Variants in DOCK8 observed in about 807,000 individuals in gnomAD.
DOCK8 encodes dedicator of cytokinesis 8.
Under a neutral mutation model 245.6 loss-of-function variants are expected in DOCK8, and 141 were observed. The ratio of observed to expected loss-of-function variants is 0.57; its 90% CI spans 0.50 to 0.66. The LOEUF (loss-of-function observed/expected upper bound fraction) is 0.66, where lower values mean the gene tolerates loss of function less well. DOCK8 is among the 30% of genes least tolerant of loss of function. The pLI is 0.00. For synonymous variants in DOCK8, 1,168 were observed against 970.2 expected (o/e 1.20, Z -3.79); for missense variants, 2,965 against 2,603.4 (o/e 1.14, Z -3.02).
At position 371,406 on chromosome 9, in the gene DOCK8, G is replaced by A. The variant is rs1249230891; in HGVS notation, c.1869-22G>A. 2.5e-6 allele frequency: 4 copies of A among 1,614,064 alleles called. No homozygotes were observed. The Admixed American group carries it at 5.0e-5, about 20-fold the overall frequency. On this transcript the variant is annotated intron_variant, in intron 16 of 47. Coordinates refer to ENST00000432829, the MANE Select transcript of DOCK8 (RefSeq NM_203447.4). ...ATCATTCTTGCTAAAAGTTATTTGT[G>A]TATAATGTGCTTTTGAAACAGGTCT...
intron 1 of DOCK8, among the ~76,000 whole-genome samples, chr9:254,320 A>G (rs1054950151): frequency 6.6e-6 from 1 of 152,236 alleles, no homozygotes; most frequent in African/African-American, 2.4e-5. Context: ...ATGAGGCCAG[A>G]AAATGAATAA....
chr9:335,462 G>A (rs13289520), intron 11 of DOCK8, among the ~76,000 whole-genome samples: 1,618 of 152,228 alleles, frequency 0.011, 15 homozygotes, highest in Non-Finnish European at 0.019. Context: ...GGAGGAAAGG[G>A]CATTTTGTGA....
intron 14 of DOCK8, among the ~76,000 whole-genome samples, chr9:341,225 C>T (rs2051572616): frequency 6.6e-6 from 1 of 152,166 alleles, no homozygotes; most frequent in Admixed American, 6.5e-5. Context: ...TATGTGTCTA[C>T]TATATTGGAG....
intron 8 of DOCK8, among the ~76,000 whole-genome samples, 178 bp from the exon 9 acceptor site, chr9:327,844 C>T (rs1357344317): frequency 1.3e-5 from 2 of 152,208 alleles, no homozygotes; most frequent in Non-Finnish European, 2.9e-5. Flanking sequence ...AATACCTAGA[C>T]ATTGTGACAA....
chr9:452,381 C>G (rs372985194), intron 46 of DOCK8: 2 of 238,696 alleles, frequency 8.4e-6, no homozygotes, highest in Admixed American at 5.3e-5. Context: ...GTAACTAACA[C>G]GTCAACTATG....
chr9:216,341 C>T (rs536419901), intron 1 of DOCK8, among the ~76,000 whole-genome samples: 3 of 151,930 alleles, frequency 2.0e-5, no homozygotes, highest in South Asian at 2.1e-4. Flanking sequence ...CCAGCCTGGG[C>T]AACATAGTGG....
At chr9:400,414 A>T (rs1377462290) in intron 26 of DOCK8, among the ~76,000 whole-genome samples, 1 of 64,728 alleles carries the variant, frequency 1.5e-5, no homozygotes. Flanking sequence ...CATCACCACC[A>T]CCACCTCCAC....
chr9:458,421 G>A (rs2057707667), intron 46 of DOCK8: 1 of 152,264 alleles, frequency 6.6e-6, no homozygotes, highest in Non-Finnish European at 1.5e-5. Flanking sequence ...ACTGCCTGGA[G>A]TTCTGCCAGT....
At chr9:453,882 C>T (rs1055875089) in intron 46 of DOCK8, among the ~76,000 whole-genome samples, 7 of 152,176 alleles carry the variant, frequency 4.6e-5, no homozygotes, top group Non-Finnish European at 1.0e-4. Flanking sequence ...TGACTATGCC[C>T]CAGGACCTCT....
intron 21 of DOCK8, chr9:381,392 A>G (rs1019391377): frequency 4.6e-5 from 7 of 152,208 alleles, no homozygotes; most frequent in Non-Finnish European, 8.8e-5. Context: ...TATATATCCA[A>G]TGGCAGTGGT....
intron 40 of DOCK8, among the ~76,000 whole-genome samples, chr9:439,750 G>C (rs574527145): frequency 6.6e-6 from 1 of 152,062 alleles, no homozygotes; most frequent in South Asian, 2.1e-4. Flanking sequence ...TCACTCCCTC[G>C]TTTTTCCTCT....
At chr9:452,810 A>T (rs2057508940) in intron 46 of DOCK8, 1 of 152,236 alleles carries the variant, frequency 6.6e-6, no homozygotes, top group Non-Finnish European at 1.5e-5. Flanking sequence ...TTAATTCTGC[A>T]GTGGAGCTGG....
rs1210792510 is a variant in DOCK8 at position 307,329 on chromosome 9, G to GTTTTTT, written c.528+2628_528+2633dup. Among the ~76,000 whole-genome samples, 16 of 75,136 alleles carry GTTTTTT rather than the reference G, an allele frequency of 2.1e-4. 4 individuals carry two copies. The highest frequency in any genetic ancestry group is 5.4e-4 in the South Asian group (1 of 1,842). The allele number at this position is 75,136 out of a possible 152,430, so 49.3% of individuals were successfully genotyped here. On this transcript the variant is annotated intron_variant, in intron 5 of 47. Transcript: ENST00000432829. ...AACTCAAGTCACTGTGTTGTGTGTG[G>GTTTTTT]TTTTTTTTGTTTTTTTTTTTTTTTT...
rs913493426 is a variant in DOCK8 at position 249,786 on chromosome 9, T to TC, written c.54-21841_54-21840insC. ...GTGCCCACCACCATGCCTGGCTAAT[T>TC]TTTTTTTTTTTTTGTATTTTTAGTG... On this transcript the variant is annotated intron_variant, in intron 1 of 47. Coordinates refer to ENST00000432829, the MANE Select transcript of DOCK8 (RefSeq NM_203447.4). 1.4e-4 allele frequency among the ~76,000 whole-genome samples: 18 copies of TC among 126,816 alleles called. No homozygotes were observed. In the South Asian group the frequency reaches 2.2e-3, roughly 16 times the overall value. 83.2% of individuals were successfully genotyped at this position (126,816 alleles called of 152,430 possible). A position where few individuals can be genotyped will look rare whatever the true frequency, so the allele number is the denominator to read the frequency against.
At position 406,828 on chromosome 9, in the gene DOCK8, G is replaced by T. The variant is rs986911597; in HGVS notation, c.3391-102G>T. 37 of 1,488,516 alleles carry T rather than the reference G, an allele frequency of 2.5e-5. No individual in the cohort carries two copies. The South Asian group carries it at 3.3e-4, about 13-fold the overall frequency. The allele number at this position is 1,488,516 out of a possible 1,614,324, so 92.2% of individuals were successfully genotyped here. ...CAGAGTACCTACCTCACTGGGGAGG[G>T]CTCACGAAGCCTGGCTGGGGCGAGG... On this transcript the variant is annotated intron_variant, in intron 27 of 47. Transcript: ENST00000432829.
chr9:252,797 CAAA>C (rs113508710), intron 1 of DOCK8, among the ~76,000 whole-genome samples: 1 of 142,744 alleles, frequency 7.0e-6, no homozygotes, highest in Non-Finnish European at 1.5e-5. Flanking sequence ...GACTCCATCT[CAAA>C]AAAAAAAAAA....
chr9:247,789 G>A (rs1252061922), intron 1 of DOCK8, among the ~76,000 whole-genome samples: 1 of 151,780 alleles, frequency 6.6e-6, no homozygotes, highest in Non-Finnish European at 1.5e-5. Context: ...CACCCTCCTC[G>A]GCCTCCCAAA....
intron 4 of DOCK8, among the ~76,000 whole-genome samples, chr9:294,912 C>T (rs1181189860): frequency 2.0e-5 from 3 of 152,202 alleles, no homozygotes; most frequent in African/African-American, 7.2e-5. Context: ...GTAATCCCAG[C>T]ACTTTGGGAG....
chr9:251,443 A>C (rs1398428289), intron 1 of DOCK8, among the ~76,000 whole-genome samples: 1 of 152,216 alleles, frequency 6.6e-6, no homozygotes, highest in Non-Finnish European at 1.5e-5. Flanking sequence ...AACAAGCTAA[A>C]ACCTGCTCTT....
Sources: gnomAD v4.1 joint callset for allele counts (sites outside exome capture counted in the v4.1 genomes callset) on GRCh38, gnomAD v4.1.1 for gene constraint, MANE v1.5 for transcripts, NCBI Gene and HGNC (gene_info 2026-07-23, HGNC 2026-07-21) for gene names.